Variants in SMG1 observed in about 807,000 individuals in gnomAD.
The protein encoded by SMG1 is serine/threonine-protein kinase SMG1.
SMG1 carries 22 observed loss-of-function variants against 419.9 expected under a neutral mutation model. The observed-to-expected ratio is 0.05, with a 90% CI of 0.04 to 0.07. SMG1 has a LOEUF of 0.07. SMG1 is among the 10% of genes least tolerant of loss of function. The pLI is 1.00. For synonymous variants in SMG1, 1,538 were observed against 1,553.5 expected (o/e 0.99, Z 0.23); for missense variants, 3,185 against 4,342.0 (o/e 0.73, Z 7.49).
chr16:18,896,362 G>C lies in SMG1; in HGVS notation c.257-155C>G, dbSNP rs565516057. ...TACTGTCTGCCTTGAAAATCATTTT[G>C]ATTTCTTTTAATACACCTTTGAAGT... On this transcript the variant is annotated intron_variant, in intron 2 of 62. Transcript: ENST00000446231. Among the ~76,000 whole-genome samples, 553 of 152,206 alleles carry C rather than the reference G, an allele frequency of 3.6e-3. 2 individuals are homozygous for C. Among genetic ancestry groups the C allele is most frequent in the African/African-American group, 0.011 (461 of 41,492 alleles).
intron 55 of SMG1, among the ~76,000 whole-genome samples, chr16:18,821,126 G>A (rs967873863): frequency 2.7e-5 from 4 of 149,574 alleles, no homozygotes; most frequent in African/African-American, 9.9e-5. Context: ...AACAAATTCA[G>A]TATTCAAAGT....
intron 39 of SMG1, among the ~76,000 whole-genome samples, chr16:18,843,783 A>G (rs1332215562): frequency 6.6e-6 from 1 of 152,212 alleles, no homozygotes; most frequent in East Asian, 1.9e-4. Context: ...TCTGTAAACA[A>G]AAACTATTTT....
intron 25 of SMG1, among the ~76,000 whole-genome samples, chr16:18,862,854 A>G (rs1187408096): frequency 6.6e-6 from 1 of 152,160 alleles, no homozygotes; most frequent in Non-Finnish European, 1.5e-5. Context: ...TATTTCCAGA[A>G]TACTCCAAGC....
In SMG1 at chr16:18,859,300, G is replaced by A. The variant is rs563751710; in HGVS notation, c.3954-119C>T. 85 of 697,596 alleles carry A rather than the reference G, an allele frequency of 1.2e-4. 2 individuals are homozygous for A. In the South Asian group the frequency reaches 1.5e-3, roughly 12 times the overall value. 43.2% of individuals were successfully genotyped at this position (697,596 alleles called of 1,614,324 possible). A position where few individuals can be genotyped will look rare whatever the true frequency, so the allele number is the denominator to read the frequency against. ...CCAAAGTTAGGGGGCAGTAAGAGGA[G>A]CAGCCTGCTCTATAATAAAATGATA... On this transcript the variant is annotated intron_variant, in intron 27 of 62. Coordinates refer to ENST00000446231, the MANE Select transcript of SMG1 (RefSeq NM_015092.5).
At chr16:18,865,789 A>C (rs544735586) in intron 23 of SMG1, among the ~76,000 whole-genome samples, 2 of 151,980 alleles carry the variant, frequency 1.3e-5, no homozygotes, top group Non-Finnish European at 2.9e-5. Flanking sequence ...CAGCCTCCCA[A>C]GTAGCTGGGA....
At chr16:18,894,739 G>C (rs1296093296) in intron 3 of SMG1, among the ~76,000 whole-genome samples, 2 of 141,536 alleles carry the variant, frequency 1.4e-5, no homozygotes, top group Non-Finnish European at 3.0e-5. Flanking sequence ...ATCTGACAAA[G>C]CCCCATAACT....
Position 18,815,209 on chromosome 16 carries a change from CGTT to C in SMG1, c.10584_10586del (p.Thr3529del). Reference sequence around the variant, plus strand: ...AGGATGGCTGATAAGTAGCAGATGACGTTGGACTCGAACATTCATTTGTTGCAT... The same window carrying C: ...AGGATGGCTGATAAGTAGCAGATGACGGACTCGAACATTCATTTGTTGCAT... On this transcript the variant is annotated inframe_deletion, in exon 60 of 63. Coordinates refer to ENST00000446231, the MANE Select transcript of SMG1 (RefSeq NM_015092.5). The C allele has an allele frequency of 6.3e-7, 1 of 1,595,520 alleles. No individual in the cohort carries two copies. Among genetic ancestry groups the C allele is most frequent in the Non-Finnish European group, 8.5e-7 (1 of 1,170,502 alleles).
intron 1 of SMG1, among the ~76,000 whole-genome samples, chr16:18,923,105 T>G (rs1567470503): frequency 6.6e-6 from 1 of 152,022 alleles, no homozygotes; most frequent in Non-Finnish European, 1.5e-5. Context: ...AAGAGTTGAC[T>G]GGGAGCACAG....
chr16:18,839,666 C>G, intron 42 of SMG1, 32 bp downstream of exon 42: 2 of 1,611,088 alleles, frequency 1.2e-6, no homozygotes, highest in Non-Finnish European at 1.7e-6. Flanking sequence ...AGAAATACTA[C>G]TACTGAGTAT....
chr16:18,901,388 T>C (rs2037340562), intron 1 of SMG1, among the ~76,000 whole-genome samples: 1 of 152,178 alleles, frequency 6.6e-6, no homozygotes. Context: ...TATTTTTATG[T>C]TTTTTGTAGA....
intron 1 of SMG1, among the ~76,000 whole-genome samples, chr16:18,906,186 C>A (rs1420668993): frequency 6.6e-6 from 1 of 150,958 alleles, no homozygotes; most frequent in Admixed American, 6.6e-5. Flanking sequence ...ACTTCACCAA[C>A]AAAAAAAAAG....
intron 23 of SMG1, among the ~76,000 whole-genome samples, chr16:18,864,706 G>T (rs1299741559): frequency 6.6e-6 from 1 of 151,850 alleles, no homozygotes; most frequent in Non-Finnish European, 1.5e-5. Flanking sequence ...CAAACTCCTG[G>T]ACTCAAGCAA....
At position 18,842,297 on chromosome 16, in the gene SMG1, C is replaced by T. The variant is rs753179881; in HGVS notation, c.6377G>A (p.Gly2126Glu). The change falls in exon 40 of 63, where the codon GGA becomes GAA. Residue 2126 changes from glycine (G) to glutamate (E), a missense_variant. Gly to Glu is a moderately conservative substitution (Grantham distance 98). Coordinates refer to ENST00000446231, the MANE Select transcript of SMG1 (RefSeq NM_015092.5). Reference sequence around the variant, plus strand: ...TTTAGTCGGTAAGATTGTGATGGTTCCGCCCACACTATGGATTGTGACAGT... The same window carrying T: ...TTTAGTCGGTAAGATTGTGATGGTTTCGCCCACACTATGGATTGTGACAGT... Reference protein sequence around the residue: ...RDTVTIHSVGGTITILPTKTK... With the variant: ...RDTVTIHSVGETITILPTKTK... The T allele has an allele frequency of 6.2e-7, 1 of 1,613,936 alleles. No individual in the cohort carries two copies. The highest frequency in any genetic ancestry group is 8.5e-7 in the Non-Finnish European group (1 of 1,179,874).
intron 1 of SMG1, among the ~76,000 whole-genome samples, chr16:18,913,535 G>A (rs375338530): frequency 4.6e-5 from 7 of 151,792 alleles, no homozygotes; most frequent in Non-Finnish European, 4.4e-5. Context: ...AAATGTGGAC[G>A]AAAAGCTAAT....
At chr16:18,889,742 TAC>T (rs1475275039) in intron 5 of SMG1, among the ~76,000 whole-genome samples, 157 bp from the exon 6 acceptor site, 1 of 152,208 alleles carries the variant, frequency 6.6e-6, no homozygotes, top group Non-Finnish European at 1.5e-5. Flanking sequence ...CTCTAAATAC[TAC>T]AGTCTGTCTA....
chr16:18,898,715 T>C (rs1040800150), intron 1 of SMG1, among the ~76,000 whole-genome samples: 4 of 152,204 alleles, frequency 2.6e-5, no homozygotes, highest in African/African-American at 9.6e-5. Context: ...CAAAGATAAA[T>C]GGAGTCTGCC....
intron 6 of SMG1, among the ~76,000 whole-genome samples, 165 bp downstream of exon 6, chr16:18,889,207 G>A (rs1596604242): frequency 3.3e-5 from 5 of 151,900 alleles, no homozygotes; most frequent in Non-Finnish European, 7.4e-5. Flanking sequence ...CTTGAACAGT[G>A]TATCCTTTAC....
In SMG1 at chr16:18,879,788, T is replaced by C. The variant is rs562801293; in HGVS notation, c.1294-69A>G. The C allele has an allele frequency of 5.2e-5, 52 of 994,608 alleles. No individual in the cohort carries two copies. The African/African-American group carries it at 7.8e-4, about 15-fold the overall frequency. The allele number at this position is 994,608 out of a possible 1,614,324, so 61.6% of individuals were successfully genotyped here. A position where few individuals can be genotyped will look rare whatever the true frequency, so the allele number is the denominator to read the frequency against. Reference sequence around the variant, plus strand: ...GCTTCCACAAAGCAAGAAAATACTTTTTATTTAATGCAATTTCAACTGAAA... The same window carrying C: ...GCTTCCACAAAGCAAGAAAATACTTCTTATTTAATGCAATTTCAACTGAAA... On this transcript the variant is annotated intron_variant, in intron 10 of 62. Coordinates refer to ENST00000446231, the MANE Select transcript of SMG1 (RefSeq NM_015092.5).
intron 1 of SMG1, among the ~76,000 whole-genome samples, chr16:18,919,140 G>A (rs1445710703): frequency 6.6e-5 from 10 of 151,786 alleles, no homozygotes; most frequent in Non-Finnish European, 1.0e-4. Flanking sequence ...CAGCCTGGTC[G>A]ACATGGTGAA....
Sources: gnomAD v4.1 joint callset for allele counts (sites outside exome capture counted in the v4.1 genomes callset) on GRCh38, gnomAD v4.1.1 for gene constraint, MANE v1.5 for transcripts, NCBI Gene and HGNC (gene_info 2026-07-23, HGNC 2026-07-21) for gene names.